KPNA3: variants seen among roughly 807,000 people sequenced by gnomAD.
KPNA3 encodes karyopherin subunit alpha 3.
In KPNA3, 13 loss-of-function variants were observed where a neutral mutation model predicts 73.8. That is an observed-to-expected ratio of 0.18 (90% CI 0.11 to 0.28). KPNA3 has a LOEUF of 0.28. Ranked by LOEUF, KPNA3 falls within the 10% of genes least tolerant of loss-of-function variation. KPNA3 has a pLI of 1.00. For synonymous variants in KPNA3, 186 were observed against 206.9 expected (o/e 0.90, Z 0.87); for missense variants, 360 against 618.1 (o/e 0.58, Z 4.43).
At chr13:49,782,133 C>T (rs1216730230) in intron 1 of KPNA3, among the ~76,000 whole-genome samples, 3 of 152,162 alleles carry the variant, frequency 2.0e-5, no homozygotes, top group African/African-American at 7.2e-5. Flanking sequence ...GAGGCAGGAG[C>T]ACCTACATTA....
intron 1 of KPNA3, among the ~76,000 whole-genome samples, chr13:49,785,004 G>A (rs1327043157): frequency 6.6e-6 from 1 of 152,182 alleles, no homozygotes. Context: ...GTAGGAATTA[G>A]CCAGGCAACA....
chr13:49,734,619 T>TCA (rs1954502498), intron 2 of KPNA3, among the ~76,000 whole-genome samples: 1 of 152,216 alleles, frequency 6.6e-6, no homozygotes, highest in Non-Finnish European at 1.5e-5. Context: ...CTGAAAGATG[T>TCA]CACTGTATTT....
intron 1 of KPNA3, among the ~76,000 whole-genome samples, chr13:49,759,730 C>A (rs1008494582): frequency 2.0e-5 from 3 of 152,174 alleles, no homozygotes; most frequent in Admixed American, 6.5e-5. Flanking sequence ...GGTGGTAATA[C>A]AAGCAATGAG....
At chr13:49,708,037 C>A (rs1954224412) in intron 12 of KPNA3, among the ~76,000 whole-genome samples, 1 of 151,020 alleles carries the variant, frequency 6.6e-6, no homozygotes, top group Admixed American at 6.6e-5. Flanking sequence ...GCTCTGTCGC[C>A]CAGGCTGGAG....
rs1367427471 is a variant in KPNA3 at position 49,722,528 on chromosome 13, G to A, written c.505C>T (p.Pro169Ser). 1 of 1,611,276 alleles carries A rather than the reference G, an allele frequency of 6.2e-7. No homozygotes were observed. Among genetic ancestry groups the A allele is most frequent in the Non-Finnish European group, 8.5e-7 (1 of 1,178,476 alleles). The change falls in exon 8 of 17, where the codon CCA becomes TCA. Residue 169 changes from proline to serine, a missense_variant. Coordinates refer to ENST00000261667, the MANE Select transcript of KPNA3 (RefSeq NM_002267.4). ...GCTTGTTCACAAACATTCTGATGTG[G>A]TGAACGAAGAAGTCTCAGAAAAAGA... ...VPLFLRLLRS[P>S]HQNVCEQAVW... is the part of the protein sequence containing the mutation.
At chr13:49,727,237 C>T (rs1053622334) in intron 6 of KPNA3, among the ~76,000 whole-genome samples, 10 of 151,808 alleles carry the variant, frequency 6.6e-5, no homozygotes, top group African/African-American at 2.4e-4. Context: ...CACCTGAGGT[C>T]GGGAGTTTGA....
At chr13:49,767,351 T>C (rs1246223953) in intron 1 of KPNA3, among the ~76,000 whole-genome samples, 1 of 149,632 alleles carries the variant, frequency 6.7e-6, no homozygotes, top group Non-Finnish European at 1.5e-5. Context: ...GAGGTGGAGG[T>C]TGCAGTGAGC....
intron 1 of KPNA3, among the ~76,000 whole-genome samples, chr13:49,749,769 C>T (rs751321308): frequency 2.6e-5 from 4 of 152,150 alleles, no homozygotes; most frequent in Non-Finnish European, 5.9e-5. Context: ...GTTACCCTCA[C>T]CTATCTCTAA....
chr13:49,710,032 C>T (rs111716957), intron 11 of KPNA3, among the ~76,000 whole-genome samples: 4,194 of 151,974 alleles, frequency 0.028, 195 homozygotes, highest in African/African-American at 0.095. Flanking sequence ...GAGGCCGAGG[C>T]GGGGGGGATC....
chr13:49,738,083 A>C (rs1233795032), intron 2 of KPNA3, among the ~76,000 whole-genome samples: 1 of 152,160 alleles, frequency 6.6e-6, no homozygotes, highest in Non-Finnish European at 1.5e-5. Flanking sequence ...ATTTTTGCAT[A>C]AGGTGTGAAG....
intron 8 of KPNA3, among the ~76,000 whole-genome samples, 159 bp from the exon 9 acceptor site, chr13:49,722,283 G>A (rs533032471): frequency 3.3e-5 from 5 of 152,324 alleles, no homozygotes; most frequent in African/African-American, 7.2e-5. Flanking sequence ...TCTGGGGAAC[G>A]TAAATTTAAC....
In KPNA3 at chr13:49,725,504, G is replaced by A. The variant is rs1376440543; in HGVS notation, c.384-3C>T. On this transcript the variant is annotated splice_polypyrimidine_tract_variant and splice_region_variant and intron_variant, in intron 6 of 16. Transcript: ENST00000261667. ...CAGCTTCAAACTGTAATGAAGGACT[G>A]TAAAAAAACAATAACACATCTTTTT... 6.3e-7 allele frequency: 1 copy of A among 1,580,530 alleles called. No individual in the cohort carries two copies. Among genetic ancestry groups the A allele is most frequent in the South Asian group, 1.1e-5 (1 of 90,190 alleles).
chr13:49,781,149 G>A (rs1467781204), intron 1 of KPNA3, among the ~76,000 whole-genome samples: 1 of 152,124 alleles, frequency 6.6e-6, no homozygotes. Flanking sequence ...CCTCCATGAA[G>A]CCTTCAGTGA....
chr13:49,790,790 A>G (rs1277961356), intron 1 of KPNA3, among the ~76,000 whole-genome samples: 1 of 152,252 alleles, frequency 6.6e-6, no homozygotes, highest in East Asian at 1.9e-4. Flanking sequence ...AACACAATAG[A>G]GGTAAACAAT....
At chr13:49,727,864 C>CA (rs1954424906) in intron 6 of KPNA3, among the ~76,000 whole-genome samples, 1 of 152,130 alleles carries the variant, frequency 6.6e-6, no homozygotes, top group Non-Finnish European at 1.5e-5. Context: ...ATGGTGAACT[C>CA]ACTGATGTAC....
chr13:49,717,710 T>A (rs1049652545), intron 10 of KPNA3, among the ~76,000 whole-genome samples: 1 of 152,204 alleles, frequency 6.6e-6, no homozygotes, highest in Non-Finnish European at 1.5e-5. Context: ...ACAAGAATTT[T>A]GTAAGAATTA....
chr13:49,752,169 A>C (rs1954668489), intron 1 of KPNA3, among the ~76,000 whole-genome samples: 2 of 152,222 alleles, frequency 1.3e-5, no homozygotes, highest in Non-Finnish European at 1.5e-5. Flanking sequence ...CAACATTGTT[A>C]AGTATGATGG....
chr13:49,765,242 A>T (rs1594456560), intron 1 of KPNA3, among the ~76,000 whole-genome samples: 1 of 152,238 alleles, frequency 6.6e-6, no homozygotes, highest in Non-Finnish European at 1.5e-5. Context: ...TTATAAATAG[A>T]ATACATGTAA....
Position 49,764,658 on chromosome 13 carries a change from C to T in KPNA3, c.70-17665G>A, listed in dbSNP as rs552901100. Among the ~76,000 whole-genome samples the T allele has an allele frequency of 4.6e-5, 7 of 152,122 alleles. No homozygotes were observed. In the East Asian group the frequency reaches 9.7e-4, roughly 21 times the overall value. On this transcript the variant is annotated intron_variant, in intron 1 of 16. Transcript: ENST00000261667. ...GCACTGAATCTAATTATTCTCTCAT[C>T]AACTGTCCCCTTGCTTCATCAATTA...
Sources: allele counts gnomAD v4.1 joint callset (sites outside exome capture counted in the v4.1 genomes callset), GRCh38; gene constraint gnomAD v4.1.1; transcripts MANE v1.5; gene names NCBI Gene and HGNC (gene_info 2026-07-23, HGNC 2026-07-21).